The following PTPRN2 variants were observed in gnomAD, a reference collection of about 807,000 sequenced individuals.
PTPRN2 encodes protein tyrosine phosphatase receptor type N2.
A neutral mutation model predicts 118.8 loss-of-function variants in PTPRN2; 74 were observed. The ratio of observed to expected loss-of-function variants is 0.62; its 90% CI spans 0.52 to 0.76. The LOEUF is 0.76. Among genes scored for constraint, PTPRN2 ranks in the 30% least tolerant of loss-of-function variants. The pLI, the probability that PTPRN2 is intolerant of heterozygous loss-of-function variation, is 0.00. For missense variants in PTPRN2, 1,481 were observed against 1,394.4 expected (o/e 1.06, Z -0.99); for synonymous variants, 641 against 608.0 (o/e 1.05, Z -0.80).
chr7:158,021,614 G>A (rs1404732114), intron 11 of PTPRN2, among the ~76,000 whole-genome samples: 1 of 151,938 alleles, frequency 6.6e-6, no homozygotes, highest in African/African-American at 2.4e-5. Flanking sequence ...CTGCCCACCA[G>A]CCAAGGATAG....
intron 12 of PTPRN2, among the ~76,000 whole-genome samples, chr7:157,850,663 C>T (rs1007358844): frequency 1.3e-5 from 2 of 152,176 alleles, no homozygotes; most frequent in Admixed American, 6.5e-5. Context: ...GTCCTGGACC[C>T]TCCAATTCCT....
Position 158,261,135 on chromosome 7 carries a change from C to G in PTPRN2, c.277+55684G>C, listed in dbSNP as rs150569963. Among the ~76,000 whole-genome samples the G allele has an allele frequency of 4.5e-4, 68 of 152,240 alleles. 1 individual carries two copies. The highest frequency in any genetic ancestry group is 1.2e-3 in the African/African-American group (49 of 41,550). ...TCAGCGTCAGCAACAGTGCCCATCC[C>G]GAGCTCTTTCCCAGCGCACCCCAGG... On this transcript the variant is annotated intron_variant, in intron 3 of 22. Transcript: ENST00000389418.
rs747766982 is a variant in PTPRN2 at position 158,343,146 on chromosome 7, G to A, written c.164-26214C>T. ...GCAGCCAGGGAGTGGGGAAATATTT[G>A]CCCTCATCTATCTGATAAGGGATTT... is the stretch of plus-strand genomic sequence containing the variant. On this transcript the variant is annotated intron_variant, in intron 2 of 22. Transcript: ENST00000389418. 3.9e-4 allele frequency among the ~76,000 whole-genome samples: 60 copies of A among 152,226 alleles called. 1 individual carries two copies. The highest frequency in any genetic ancestry group is 8.4e-4 in the Non-Finnish European group (57 of 68,022).
chr7:157,574,242 G>A (rs929226309), intron 19 of PTPRN2: 1 of 384,114 alleles, frequency 2.6e-6, no homozygotes, highest in Non-Finnish European at 5.8e-6. Context: ...GTCACCGGGC[G>A]AGAGCGCACC....
intron 12 of PTPRN2, among the ~76,000 whole-genome samples, chr7:157,738,379 C>T (rs926513804): frequency 7.2e-5 from 11 of 152,160 alleles, no homozygotes; most frequent in South Asian, 2.1e-4. Flanking sequence ...AGCAGAGGAG[C>T]GAAGGGAGGA....
At chr7:158,460,025 G>A (rs1202474692) in intron 2 of PTPRN2, among the ~76,000 whole-genome samples, 1 of 108,512 alleles carries the variant, frequency 9.2e-6, no homozygotes, top group African/African-American at 3.6e-5. Context: ...TAGAGGGGCT[G>A]TGTGCCGTGA....
At position 157,813,269 on chromosome 7, in the gene PTPRN2, C is replaced by T. The variant is rs1328126122; in HGVS notation, c.1788+85404G>A. Among the ~76,000 whole-genome samples the T allele has an allele frequency of 6.6e-6, 1 of 152,130 alleles. No individual in the cohort carries two copies. The highest frequency in any genetic ancestry group is 1.5e-5 in the Non-Finnish European group (1 of 68,036). On this transcript the variant is annotated intron_variant, in intron 12 of 22. Transcript: ENST00000389418. This position sits in a 1 kb window ranked among gnomAD's most constrained non-coding sequence, Gnocchi z 4.7. ...GTAAGCCCAGACCTTTGGGACCCCT[C>T]ACCCTGCCCGGTCCTCCTGCTGTGG...
At chr7:158,079,213 T>C (rs1426796848) in intron 11 of PTPRN2, among the ~76,000 whole-genome samples, 1 of 152,130 alleles carries the variant, frequency 6.6e-6, no homozygotes, top group Non-Finnish European at 1.5e-5. Context: ...TCTTTAAAAA[T>C]CATGCATGAA....
intron 2 of PTPRN2, among the ~76,000 whole-genome samples, chr7:158,407,069 C>T (rs1051423086): frequency 5.3e-5 from 8 of 152,134 alleles, no homozygotes; most frequent in South Asian, 4.1e-4. Context: ...AACCAACATC[C>T]GCCTGTGAGG....
intron 2 of PTPRN2, among the ~76,000 whole-genome samples, chr7:158,336,684 G>A (rs868791599): frequency 8.7e-6 from 1 of 114,570 alleles, no homozygotes; most frequent in South Asian, 2.9e-4. Context: ...CATAAGAGCT[G>A]ACGCCCGCAG....
At chr7:157,702,216 G>T (rs1798113468) in intron 12 of PTPRN2, among the ~76,000 whole-genome samples, 1 of 151,060 alleles carries the variant, frequency 6.6e-6, no homozygotes, top group African/African-American at 2.4e-5. Context: ...ACTGACGTGG[G>T]CTGTGCATTT....
rs1563340406 is a variant in PTPRN2, at chr7:157,682,922, A to G, written c.1804T>C (p.Phe602Leu). ...TGVGSKSKLK[F>L]LPPQAEQEDS... ...TCTTGCTCCGCCTGAGGAGGCAGGA[A>G]CTTGAGTTTGCTTTTCTGCAGAACA... Residue 602 changes from phenylalanine to leucine, a missense_variant, in exon 13 of 23, where the codon TTC becomes CTC. This residue lies in a region of PTPRN2 where 1,115 missense variants were observed against 994.2 expected (regional missense o/e 1.12). Transcript: ENST00000389418. The G allele has an allele frequency of 1.2e-6, 2 of 1,613,200 alleles. No individual in the cohort carries two copies. The highest frequency in any genetic ancestry group is 2.7e-5 in the African/African-American group (2 of 75,034).
intron 2 of PTPRN2, among the ~76,000 whole-genome samples, chr7:158,386,375 C>G (rs1315799722): frequency 6.7e-6 from 1 of 149,586 alleles, no homozygotes; most frequent in Non-Finnish European, 1.5e-5. Context: ...CCAAGTCCCT[C>G]CTCCCGTGCC....
intron 3 of PTPRN2, among the ~76,000 whole-genome samples, chr7:158,308,862 A>G (rs1470480034): frequency 6.6e-6 from 1 of 152,192 alleles, no homozygotes; most frequent in Non-Finnish European, 1.5e-5. Flanking sequence ...ATATGCCAAC[A>G]AACTAGATAA....
chr7:157,814,462 G>A (rs1806259882), intron 12 of PTPRN2, among the ~76,000 whole-genome samples: 1 of 151,526 alleles, frequency 6.6e-6, no homozygotes, highest in African/African-American at 2.4e-5. Context: ...GAACAGGAGG[G>A]GACAGGAGGG....
chr7:158,587,776 G>A lies in PTPRN2; in HGVS notation c.-107C>T, dbSNP rs1484187827. On this transcript the variant is annotated 5_prime_UTR_variant, in exon 1 of 23. Coordinates refer to ENST00000389418, the MANE Select transcript of PTPRN2 (RefSeq NM_002847.5). ...GCGCGCCGCCGGCTCCTCCCGCCGC[G>A]CCTCTCGCGCTCTTGCGGCGACGCC... The A allele has an allele frequency of 3.0e-6, 3 of 1,002,098 alleles. No homozygotes were observed. Among genetic ancestry groups the A allele is most frequent in the Non-Finnish European group, 1.2e-6 (1 of 838,196 alleles). The allele number at this position is 1,002,098 out of a possible 1,614,324, so 62.1% of individuals were successfully genotyped here.
intron 19 of PTPRN2, among the ~76,000 whole-genome samples, chr7:157,575,985 A>T (rs1194042510): frequency 6.6e-6 from 1 of 152,168 alleles, no homozygotes; most frequent in African/African-American, 2.4e-5. Flanking sequence ...TGTGGTCTTA[A>T]ATGCTGCTTT....
At chr7:158,321,186 A>C (rs1802986085) in intron 2 of PTPRN2, among the ~76,000 whole-genome samples, 1 of 152,052 alleles carries the variant, frequency 6.6e-6, no homozygotes, top group South Asian at 2.1e-4. Context: ...GCTGAGCTCC[A>C]CCGTCTCAGA....
chr7:158,251,425 C>A (rs1311292279), intron 3 of PTPRN2, among the ~76,000 whole-genome samples: 3 of 151,684 alleles, frequency 2.0e-5, no homozygotes. Flanking sequence ...TGCAGGTGTG[C>A]AATGGATGTA....
Sources: gnomAD v4.1 joint callset for allele counts (sites outside exome capture counted in the v4.1 genomes callset) on GRCh38, gnomAD v4.1.1 for gene constraint, gnomAD v4.1.1 regional missense constraint, Gnocchi (gnomAD v3.1) non-coding constraint, MANE v1.5 for transcripts, NCBI Gene and HGNC (gene_info 2026-07-23, HGNC 2026-07-21) for gene names.